The following EPHB2 variants were observed in gnomAD, a reference collection of about 807,000 sequenced individuals.
EPHB2 encodes the protein ephrin type-B receptor 2.
EPHB2 carries 18 observed loss-of-function variants against 96.4 expected under a neutral mutation model. The ratio of observed to expected loss-of-function variants is 0.19; its 90% CI spans 0.13 to 0.28. The LOEUF (loss-of-function observed/expected upper bound fraction) is 0.28. Ranked by LOEUF, EPHB2 falls within the 10% of genes least tolerant of loss-of-function variation. The probability of loss-of-function intolerance (pLI) is 1.00; values close to 1 mark genes in which losing one functional copy is unlikely to be tolerated. For missense variants in EPHB2, 989 were observed against 1,355.4 expected, an observed-to-expected ratio of 0.73 and a Z score of 4.25; for synonymous variants, 506 against 534.1, an observed-to-expected ratio of 0.95 and a Z score of 0.72.
chr1:22,739,245 T>G (rs1468715017), intron 1 of EPHB2, among the ~76,000 whole-genome samples: 1 of 152,032 alleles, frequency 6.6e-6, no homozygotes, highest in Non-Finnish European at 1.5e-5. Flanking sequence ...AGACAGAGTC[T>G]CACTCTGTCA....
intron 1 of EPHB2, among the ~76,000 whole-genome samples, chr1:22,781,157 A>G (rs12092809): frequency 0.012 from 1,802 of 151,924 alleles, 42 homozygotes; most frequent in African/African-American, 0.041. Flanking sequence ...TGTCTCTACT[A>G]AAAATACAAA....
intron 3 of EPHB2, among the ~76,000 whole-genome samples, chr1:22,845,359 T>C (rs1645526963): frequency 1.3e-5 from 2 of 152,170 alleles, no homozygotes; most frequent in Admixed American, 1.3e-4. Flanking sequence ...GTTAAAACAT[T>C]AGTTCTGGCC....
intron 1 of EPHB2, among the ~76,000 whole-genome samples, chr1:22,711,404 C>G (rs1341298857): frequency 1.4e-5 from 2 of 146,382 alleles, no homozygotes; most frequent in Admixed American, 6.7e-5. Context: ...GGTGGAGGGG[C>G]GCGGGCCCGG....
Position 22,717,764 on chromosome 1 carries a change from T to A in EPHB2, c.61+6721T>A, listed in dbSNP as rs1165024715. Reference sequence around the variant, plus strand: ...TGACTTGTCCCTTTCTCTGAAGTCCTACAGAGGCTTTGCTTAGCCCTGATC... The same window carrying A: ...TGACTTGTCCCTTTCTCTGAAGTCCAACAGAGGCTTTGCTTAGCCCTGATC... On this transcript the variant is annotated intron_variant, in intron 1 of 15. Transcript: ENST00000374630. Among the ~76,000 whole-genome samples the A allele has an allele frequency of 2.0e-5, 3 of 152,236 alleles. No individual in the cohort carries two copies. The East Asian group carries it at 5.8e-4, about 29-fold the overall frequency.
At chr1:22,779,011 G>T (rs1040868413) in intron 1 of EPHB2, among the ~76,000 whole-genome samples, 1 of 152,148 alleles carries the variant, frequency 6.6e-6, no homozygotes, top group East Asian at 1.9e-4. Flanking sequence ...TCCCCTGCCC[G>T]ACCCTCTTCT....
chr1:22,842,542 G>A (rs188115216), intron 3 of EPHB2, among the ~76,000 whole-genome samples: 1 of 152,162 alleles, frequency 6.6e-6, no homozygotes, highest in Non-Finnish European at 1.5e-5. Context: ...TCAGCAGACA[G>A]AGGGAACTGT....
intron 1 of EPHB2, among the ~76,000 whole-genome samples, chr1:22,716,095 C>G (rs565515617): frequency 2.6e-5 from 4 of 152,216 alleles, no homozygotes; most frequent in Admixed American, 2.6e-4. Flanking sequence ...GGTAACCCCC[C>G]AAGTGTGGAC....
At chr1:22,870,461 C>T (rs1028117005) in intron 5 of EPHB2, among the ~76,000 whole-genome samples, 20 of 152,138 alleles carry the variant, frequency 1.3e-4, no homozygotes, top group African/African-American at 4.8e-4. Flanking sequence ...ACCCTCCTGC[C>T]TCTCCACACC....
Position 22,730,985 on chromosome 1 carries a change from A to C in EPHB2, c.61+19942A>C, listed in dbSNP as rs537221630. Among the ~76,000 whole-genome samples the C allele has an allele frequency of 1.2e-4, 18 of 152,104 alleles. No individual in the cohort carries two copies. In the East Asian group the frequency reaches 3.5e-3, roughly 30 times the overall value. Reference sequence around the variant, plus strand: ...CGGGCAGTGGTGGGGAGTTGTCAGTAAGTGGCCCTGGTTTTGCTCCCCAGG... The same window carrying C: ...CGGGCAGTGGTGGGGAGTTGTCAGTCAGTGGCCCTGGTTTTGCTCCCCAGG... On this transcript the variant is annotated intron_variant, in intron 1 of 15. Coordinates refer to ENST00000374630, the MANE Select transcript of EPHB2 (RefSeq NM_017449.5).
chr1:22,864,862 T>A lies in EPHB2; in HGVS notation c.968-15T>A, dbSNP rs1188435808. 6.0e-6 allele frequency: 9 copies of A among 1,490,934 alleles called. No individual in the cohort carries two copies. The highest frequency in any genetic ancestry group is 1.2e-5 in the South Asian group (1 of 84,424). The allele number at this position is 1,490,934 out of a possible 1,614,324, so 92.4% of individuals were successfully genotyped here. A position where few individuals can be genotyped will look rare whatever the true frequency, so the allele number is the denominator to read the frequency against. ...CCTGAGCCCCCCACTGACCAACACC[T>A]CTCCCCCGCCCCAGCCATCCCCTCC... On this transcript the variant is annotated splice_polypyrimidine_tract_variant and intron_variant, in intron 4 of 15. Transcript: ENST00000374630.
intron 3 of EPHB2, among the ~76,000 whole-genome samples, chr1:22,810,344 C>T (rs1257592654): frequency 6.6e-6 from 1 of 152,176 alleles, no homozygotes; most frequent in Non-Finnish European, 1.5e-5. Flanking sequence ...CTGTGCCCCA[C>T]AGTGGTGGGG....
chr1:22,734,974 A>G (rs1219992520), intron 1 of EPHB2, among the ~76,000 whole-genome samples: 1 of 152,220 alleles, frequency 6.6e-6, no homozygotes, highest in Admixed American at 6.5e-5. Context: ...TGGTTTACAT[A>G]CATTATCTCA....
chr1:22,862,851 G>A (rs940791657), intron 3 of EPHB2, among the ~76,000 whole-genome samples, 186 bp from the exon 4 acceptor site: 5 of 152,180 alleles, frequency 3.3e-5, no homozygotes, highest in African/African-American at 1.2e-4. Flanking sequence ...AGGGAGCCCT[G>A]ACAGAATTAG....
intron 1 of EPHB2, among the ~76,000 whole-genome samples, chr1:22,779,464 T>G (rs1429955209): frequency 1.3e-5 from 2 of 152,176 alleles, no homozygotes; most frequent in Non-Finnish European, 1.5e-5. Flanking sequence ...GGGTCACCTC[T>G]GACCAAATGC....
At chr1:22,841,346 A>T (rs1277379898) in intron 3 of EPHB2, among the ~76,000 whole-genome samples, 1 of 152,046 alleles carries the variant, frequency 6.6e-6, no homozygotes, top group African/African-American at 2.4e-5. Context: ...TGTTCCTGTG[A>T]TCTTAACCAG....
At chr1:22,801,734 C>T (rs1327822522) in intron 3 of EPHB2, among the ~76,000 whole-genome samples, 1 of 152,234 alleles carries the variant, frequency 6.6e-6, no homozygotes, top group Non-Finnish European at 1.5e-5. Flanking sequence ...TCTCCCATCC[C>T]ATCCCCTTCC....
chr1:22,885,658 T>C (rs2148556324), intron 6 of EPHB2, among the ~76,000 whole-genome samples: 1 of 152,364 alleles, frequency 6.6e-6, no homozygotes, highest in African/African-American at 2.4e-5. Flanking sequence ...ATGGTCTCAC[T>C]CTTTACTTGG....
chr1:22,901,530 C>T (rs546759586), intron 9 of EPHB2, among the ~76,000 whole-genome samples: 8 of 152,308 alleles, frequency 5.3e-5, no homozygotes, highest in Non-Finnish European at 7.4e-5. Flanking sequence ...GGCCGACACC[C>T]GTAAATCATC....
chr1:22,805,041 C>T (rs1644903839), intron 3 of EPHB2, among the ~76,000 whole-genome samples: 1 of 150,936 alleles, frequency 6.6e-6, no homozygotes, highest in African/African-American at 2.4e-5. Flanking sequence ...TGCCCCCCAA[C>T]CTCCCCCTCT....
Sources: gnomAD v4.1 joint callset for allele counts (sites outside exome capture counted in the v4.1 genomes callset) on GRCh38, gnomAD v4.1.1 for gene constraint, MANE v1.5 for transcripts, NCBI Gene and HGNC (gene_info 2026-07-23, HGNC 2026-07-21) for gene names.